The following GALNT13 variants were observed in gnomAD, a reference collection of about 807,000 sequenced individuals.
GALNT13 encodes polypeptide N-acetylgalactosaminyltransferase 13.
GALNT13 carries 28 observed loss-of-function variants against 64.2 expected under a neutral mutation model. That is an observed-to-expected ratio of 0.44 (90% CI 0.32 to 0.60). The LOEUF (loss-of-function observed/expected upper bound fraction) is 0.60. GALNT13 is among the 20% of genes least tolerant of loss of function. GALNT13 has a pLI of 0.05. For missense variants in GALNT13, 577 were observed against 669.8 expected (o/e 0.86, Z 1.53); for synonymous variants, 214 against 224.6 (o/e 0.95, Z 0.42).
chr2:154,303,381 A>ACTCGCTGGGG (rs1693555027), intron 9 of GALNT13, among the ~76,000 whole-genome samples: 1 of 152,076 alleles, frequency 6.6e-6, no homozygotes, highest in African/African-American at 2.4e-5. Flanking sequence ...TTATGCAAAT[A>ACTCGCTGGGG]GACTTTCCAC....
chr2:153,104,436 A>C, the GALNT13 span, among the ~76,000 whole-genome samples: 32 of 152,208 alleles, frequency 2.1e-4, no homozygotes, highest in African/African-American at 6.5e-4. Context: ...AAGTAGGACA[A>C]TCTGGTAGCC....
chr2:153,861,730 C>A, the GALNT13 span, among the ~76,000 whole-genome samples: 1 of 151,886 alleles, frequency 6.6e-6, no homozygotes, highest in African/African-American at 2.4e-5. Context: ...CCATGCACAG[C>A]TAATTTTTGT....
chr2:153,329,737 T>C, the GALNT13 span, among the ~76,000 whole-genome samples: 1 of 152,220 alleles, frequency 6.6e-6, no homozygotes, highest in Non-Finnish European at 1.5e-5. Context: ...GTCTGTTTAC[T>C]CTGTTGATAG....
intron 4 of GALNT13, among the ~76,000 whole-genome samples, chr2:154,216,881 C>T (rs1241412120): frequency 1.5e-5 from 2 of 132,778 alleles, no homozygotes; most frequent in Admixed American, 1.8e-4. Context: ...ATGATTATAG[C>T]TCATTGCCTC....
At chr2:153,148,597 T>C in the GALNT13 span, among the ~76,000 whole-genome samples, 4 of 151,714 alleles carry the variant, frequency 2.6e-5, no homozygotes, top group East Asian at 5.8e-4. Flanking sequence ...GTGTATTCAT[T>C]TACTTCTGTT....
the GALNT13 span, among the ~76,000 whole-genome samples, chr2:153,230,238 A>G: frequency 6.6e-6 from 1 of 152,144 alleles, no homozygotes; most frequent in East Asian, 1.9e-4. Context: ...TTGGGGAAGA[A>G]TTGTTCTTAT....
the GALNT13 span, among the ~76,000 whole-genome samples, chr2:153,514,272 G>A: frequency 6.6e-6 from 1 of 151,806 alleles, no homozygotes; most frequent in Non-Finnish European, 1.5e-5. Flanking sequence ...ACATCCATTG[G>A]GTTATTTATT....
At chr2:153,457,657 T>C in the GALNT13 span, among the ~76,000 whole-genome samples, 1 of 152,226 alleles carries the variant, frequency 6.6e-6, no homozygotes, top group African/African-American at 2.4e-5. Flanking sequence ...AAAAAATCAC[T>C]GAGTAAATAG....
chr2:154,316,223 G>A (rs1055370782), intron 9 of GALNT13, among the ~76,000 whole-genome samples: 1 of 152,158 alleles, frequency 6.6e-6, no homozygotes. Context: ...TCATTAGTAA[G>A]TGAGCTGTAT....
chr2:153,870,896 C>A (rs1188727947), upstream of GALNT13, among the ~76,000 whole-genome samples: 1 of 151,946 alleles, frequency 6.6e-6, no homozygotes, highest in East Asian at 1.9e-4. Flanking sequence ...TTATTACAAA[C>A]AAGACAACTG....
chr2:153,118,175 C>A, the GALNT13 span, among the ~76,000 whole-genome samples: 1 of 147,908 alleles, frequency 6.8e-6, no homozygotes, highest in Non-Finnish European at 1.5e-5. Flanking sequence ...TGGCTTCCTT[C>A]TTTACAAAAG....
chr2:154,409,633 G>A (rs1699705171), intron 11 of GALNT13, among the ~76,000 whole-genome samples: 1 of 151,904 alleles, frequency 6.6e-6, no homozygotes, highest in Admixed American at 6.6e-5. Flanking sequence ...GCCACATGGA[G>A]GCTATTTGGC....
intron 4 of GALNT13, among the ~76,000 whole-genome samples, chr2:154,150,410 C>T (rs1234135171): frequency 6.6e-6 from 1 of 152,226 alleles, no homozygotes; most frequent in Admixed American, 6.5e-5. Flanking sequence ...GTGTCTCTGC[C>T]CGGCTTTGGT....
chr2:153,854,650 A>G, the GALNT13 span, among the ~76,000 whole-genome samples: 1 of 152,140 alleles, frequency 6.6e-6, no homozygotes, highest in Non-Finnish European at 1.5e-5. Context: ...GCAACTTCAA[A>G]TATAATTAAA....
the GALNT13 span, among the ~76,000 whole-genome samples, chr2:153,250,297 G>C: frequency 3.3e-5 from 5 of 152,336 alleles, no homozygotes; most frequent in African/African-American, 1.2e-4. Context: ...CATCATCGCT[G>C]GTCATTAGAG....
chr2:154,060,531 T>G lies in GALNT13; in HGVS notation c.143-79806T>G, dbSNP rs142696040. On this transcript the variant is annotated intron_variant, in intron 3 of 12. Transcript: ENST00000392825. ...CCACTATGCCTGGCTAATTTTTGTGTTTTTAATAGAGACAGAGTTTCACCA... is the reference window on the plus strand; with the variant it reads ...CCACTATGCCTGGCTAATTTTTGTGGTTTTAATAGAGACAGAGTTTCACCA... 5.1e-4 allele frequency among the ~76,000 whole-genome samples: 77 copies of G among 152,148 alleles called. No homozygotes were observed. In the Middle Eastern group the frequency reaches 0.014, roughly 27 times the overall value.
chr2:153,463,105 TTCA>T, the GALNT13 span, among the ~76,000 whole-genome samples: 1 of 152,110 alleles, frequency 6.6e-6, no homozygotes, highest in Non-Finnish European at 1.5e-5. Context: ...CAACTCTTTA[TTCA>T]ATCCAGGTAA....
At chr2:153,409,313 A>G in the GALNT13 span, among the ~76,000 whole-genome samples, 1 of 140,122 alleles carries the variant, frequency 7.1e-6, no homozygotes, top group Non-Finnish European at 1.6e-5. Context: ...TATATATATG[A>G]ATATGTATAT....
intron 12 of GALNT13, 135 bp from the exon 13 acceptor site, chr2:154,450,276 T>A: frequency 1.5e-6 from 1 of 658,948 alleles, no homozygotes. Flanking sequence ...CTGTGCACAG[T>A]TCCTTTTACA....
Sources: gnomAD v4.1 joint callset for allele counts (sites outside exome capture counted in the v4.1 genomes callset) on GRCh38, gnomAD v4.1.1 for gene constraint, MANE v1.5 for transcripts, NCBI Gene and HGNC (gene_info 2026-07-23, HGNC 2026-07-21) for gene names.